ZNF713: variants seen among roughly 807,000 people sequenced by gnomAD.
The protein encoded by ZNF713 is zinc finger protein 713.
A neutral mutation model predicts 28.7 loss-of-function variants in ZNF713; 21 were observed. The ratio of observed to expected loss-of-function variants is 0.73; its 90% confidence interval spans 0.52 to 1.05. ZNF713 has a LOEUF of 1.05. ZNF713 is among the 50% of genes least tolerant of loss of function. ZNF713 has a pLI of 0.00. For synonymous variants in ZNF713, 167 were observed against 178.0 expected (o/e 0.94, Z 0.49); for missense variants, 458 against 532.4 (o/e 0.86, Z 1.37).
chr7:55,896,601 G>GTGTA lies in ZNF713; in HGVS notation c.-583+8922_-583+8923insGTAT, dbSNP rs1554335340. ...TTAATATATATGTGTGTGTGTGTGT[G>GTGTA]TATATATATATACACACACATAAAC... On this transcript the variant is annotated intron_variant, in intron 1 of 6. Transcript: ENST00000429591. Among the ~76,000 whole-genome samples the GTGTA allele has an allele frequency of 3.1e-3, 457 of 149,372 alleles. 2 individuals are homozygous for GTGTA. Among genetic ancestry groups the GTGTA allele is most frequent in the African/African-American group, 9.5e-3 (385 of 40,694 alleles).
intron 6 of ZNF713, among the ~76,000 whole-genome samples, chr7:55,926,472 C>G (rs911468363): frequency 1.3e-5 from 2 of 152,102 alleles, no homozygotes; most frequent in African/African-American, 4.8e-5. Context: ...TGCATTTCTT[C>G]AATATCCTGT....
At position 55,921,335 on chromosome 7, in the gene ZNF713, A is replaced by C. The variant is rs576223398; in HGVS notation, c.88-1827A>C. Among the ~76,000 whole-genome samples, 5 of 152,288 alleles carry C rather than the reference A, an allele frequency of 3.3e-5. No homozygotes were observed. The South Asian group carries it at 1.0e-3, about 32-fold the overall frequency. ...TCTGCAGCCCACGGATCAAGGAGTAATTTTGACTTTCAAGTCTTATTATTT... is the reference window on the plus strand; with the variant it reads ...TCTGCAGCCCACGGATCAAGGAGTACTTTTGACTTTCAAGTCTTATTATTT... On this transcript the variant is annotated intron_variant, in intron 4 of 6. Transcript: ENST00000429591.
chr7:55,927,702 G>T (rs1584315740), intron 6 of ZNF713, among the ~76,000 whole-genome samples: 1 of 151,858 alleles, frequency 6.6e-6, no homozygotes, highest in East Asian at 1.9e-4. Context: ...TTCAGGACCA[G>T]CCTGGCCAAC....
chr7:55,891,890 T>C (rs532305837), intron 1 of ZNF713, among the ~76,000 whole-genome samples: 1 of 152,166 alleles, frequency 6.6e-6, no homozygotes, highest in South Asian at 2.1e-4. Flanking sequence ...ACTTATTTAA[T>C]AGAAAAAAAT....
chr7:55,907,479 A>T (rs937859944), intron 2 of ZNF713, among the ~76,000 whole-genome samples: 1 of 152,072 alleles, frequency 6.6e-6, no homozygotes, highest in East Asian at 1.9e-4. Flanking sequence ...TTGTGGCTGC[A>T]TGGTATTCCA....
At chr7:55,922,396 G>A (rs928013441) in intron 4 of ZNF713, among the ~76,000 whole-genome samples, 2 of 152,048 alleles carry the variant, frequency 1.3e-5, no homozygotes, top group Non-Finnish European at 2.9e-5. Flanking sequence ...TATATAGCTG[G>A]GCGTAGTGGT....
At chr7:55,921,259 G>T (rs1370382260) in intron 4 of ZNF713, among the ~76,000 whole-genome samples, 5 of 152,146 alleles carry the variant, frequency 3.3e-5, no homozygotes, top group Non-Finnish European at 7.3e-5. Flanking sequence ...CTCTGATGGA[G>T]ATGTACAAGA....
chr7:55,888,529 T>A (rs1420619144), intron 1 of ZNF713, among the ~76,000 whole-genome samples: 1 of 152,114 alleles, frequency 6.6e-6, no homozygotes, highest in South Asian at 2.1e-4. Context: ...ACCACAGGTG[T>A]GCACCACCAC....
At position 55,939,545 on chromosome 7, in the gene ZNF713, T is replaced by G. The variant is rs1308744788; in HGVS notation, c.871T>G (p.Cys291Gly). The change falls in exon 7 of 7, where the codon TGT becomes GGT. Residue 291 changes from cysteine to glycine, a missense_variant. Coordinates refer to ENST00000429591, the MANE Select transcript of ZNF713 (RefSeq NM_182633.3). Reference protein sequence around the residue: ...TGEKPYKCDECGKRFSQRIHL... With the variant: ...TGEKPYKCDEGGKRFSQRIHL... ...AGAGAAGCCCTATAAGTGTGATGAATGTGGAAAAAGATTCAGCCAGAGGAT... is the reference window on the plus strand; with the variant it reads ...AGAGAAGCCCTATAAGTGTGATGAAGGTGGAAAAAGATTCAGCCAGAGGAT... The G allele has an allele frequency of 6.2e-7, 1 of 1,613,730 alleles. No homozygotes were observed. Among genetic ancestry groups the G allele is most frequent in the African/African-American group, 1.3e-5 (1 of 75,020 alleles).
intron 4 of ZNF713, among the ~76,000 whole-genome samples, chr7:55,916,829 G>A (rs149701109): frequency 1.3e-5 from 2 of 152,038 alleles, no homozygotes; most frequent in Admixed American, 1.3e-4. Flanking sequence ...ACCACAAAAA[G>A]TTATGCAAGA....
chr7:55,919,490 G>GTTTTTTATTTTTTTTTTTTTTT (rs1785945351), intron 4 of ZNF713, among the ~76,000 whole-genome samples: 1 of 66,760 alleles, frequency 1.5e-5, no homozygotes, highest in Non-Finnish European at 3.1e-5. Flanking sequence ...AAACACTCCA[G>GTTTTTTATTTTTTTTTTTTTTT]TTTTTTTTTT....
intron 6 of ZNF713, among the ~76,000 whole-genome samples, chr7:55,925,419 G>A (rs1276613334): frequency 1.3e-5 from 2 of 152,022 alleles, no homozygotes; most frequent in South Asian, 2.1e-4. Flanking sequence ...TCAAGAGATC[G>A]AGACCATCCT....
intron 6 of ZNF713, among the ~76,000 whole-genome samples, chr7:55,927,022 A>G (rs1014468431): frequency 1.3e-5 from 2 of 152,150 alleles, no homozygotes; most frequent in Admixed American, 6.6e-5. Context: ...GGCGCTTGTA[A>G]TCACAGCTAC....
intron 4 of ZNF713, among the ~76,000 whole-genome samples, chr7:55,921,594 AG>A (rs1785994799): frequency 6.6e-6 from 1 of 152,230 alleles, no homozygotes; most frequent in South Asian, 2.1e-4. Context: ...AACAAACTGC[AG>A]GCATGGTGGA....
chr7:55,901,563 A>G (rs186268417), intron 1 of ZNF713, among the ~76,000 whole-genome samples: 52 of 152,340 alleles, frequency 3.4e-4, no homozygotes, highest in South Asian at 6.2e-4. Flanking sequence ...AGTTTAATCA[A>G]TCTTGACTGT....
intron 5 of ZNF713, 113 bp from the exon 6 acceptor site, chr7:55,923,493 GC>G: frequency 9.1e-7 from 1 of 1,097,852 alleles, no homozygotes; most frequent in Non-Finnish European, 1.3e-6. Context: ...GCTTTATTTT[GC>G]TGCCTCTGAA....
At chr7:55,893,337 TTGAA>T (rs952643157) in intron 1 of ZNF713, among the ~76,000 whole-genome samples, 14 of 152,164 alleles carry the variant, frequency 9.2e-5, no homozygotes, top group African/African-American at 3.4e-4. Context: ...ATGCTATAGA[TTGAA>T]TGGGGAAATG....
In ZNF713 at chr7:55,923,677, C is replaced by A. The variant is rs1584313335; in HGVS notation, c.285C>A (p.Asp95Glu). 1.2e-6 allele frequency: 2 copies of A among 1,612,102 alleles called. No homozygotes were observed. The highest frequency in any genetic ancestry group is 1.3e-5 in the African/African-American group (1 of 74,880). The change falls in exon 6 of 7, where the codon GAC (aspartate) becomes GAA (glutamate). Residue 95 changes from aspartate to glutamate, a missense_variant. By Grantham distance (45) the Asp-to-Glu change is conservative (BLOSUM62 2). Coordinates refer to ENST00000429591, the MANE Select transcript of ZNF713 (RefSeq NM_182633.3). ...AGGAAGAATGGGTGATAGAAAGAGA[C>A]AGCCTGCTGGATACTCATCCAGGTA... is the stretch of plus-strand genomic sequence containing the variant. ...ELEEEWVIER[D>E]SLLDTHPDGE...
chr7:55,915,362 C>G (rs2116221892), intron 4 of ZNF713, among the ~76,000 whole-genome samples: 1 of 152,128 alleles, frequency 6.6e-6, no homozygotes, highest in South Asian at 2.1e-4. Context: ...TTCTTATGGT[C>G]TACTGGTCAT....
Sources: gnomAD v4.1 joint callset for allele counts (sites outside exome capture counted in the v4.1 genomes callset) on GRCh38, gnomAD v4.1.1 for gene constraint, MANE v1.5 for transcripts, NCBI Gene and HGNC (gene_info 2026-07-23, HGNC 2026-07-21) for gene names.